AGBL4: variants seen among roughly 807,000 people sequenced by gnomAD.
AGBL4 encodes the protein cytosolic carboxypeptidase 6.
Under a neutral mutation model 66.4 loss-of-function variants are expected in AGBL4, and 58 were observed. The observed-to-expected ratio is 0.87, with a 90% CI of 0.71 to 1.09. The LOEUF (loss-of-function observed/expected upper bound fraction) is 1.09, where lower values mean the gene tolerates loss of function less well. AGBL4 is among the 50% of genes least tolerant of loss of function. The pLI is 0.00. For missense variants in AGBL4, 579 were observed against 631.0 expected, an observed-to-expected ratio of 0.92 and a Z score of 0.88; for synonymous variants, 234 against 222.9, an observed-to-expected ratio of 1.05 and a Z score of -0.44.
intron 1 of AGBL4, among the ~76,000 whole-genome samples, chr1:49,880,192 C>G (rs372576052): frequency 6.6e-6 from 1 of 151,784 alleles, no homozygotes; most frequent in Non-Finnish European, 1.5e-5. Flanking sequence ...AGCTTTGTTC[C>G]GTTGCTGGTG....
At chr1:49,464,867 A>G (rs1482380741) in intron 3 of AGBL4, among the ~76,000 whole-genome samples, 2 of 151,662 alleles carry the variant, frequency 1.3e-5, no homozygotes, top group East Asian at 3.9e-4. Flanking sequence ...AGAAACTATG[A>G]CAAAACTGAT....
intron 4 of AGBL4, among the ~76,000 whole-genome samples, chr1:49,122,415 A>C (rs1165712773): frequency 6.6e-6 from 1 of 152,192 alleles, no homozygotes; most frequent in African/African-American, 2.4e-5. Context: ...TGGCTTCCTA[A>C]ATTTGATGAA....
intron 5 of AGBL4, among the ~76,000 whole-genome samples, chr1:48,924,701 T>C (rs1356263103): frequency 6.6e-6 from 1 of 152,142 alleles, no homozygotes; most frequent in East Asian, 1.9e-4. Context: ...AACTGTAGTA[T>C]AATTCTGCAG....
intron 3 of AGBL4, among the ~76,000 whole-genome samples, chr1:49,627,471 C>T (rs1645486395): frequency 6.6e-6 from 1 of 152,070 alleles, no homozygotes; most frequent in African/African-American, 2.4e-5. Context: ...CTCTTTGTTT[C>T]TAATCTTTCC....
intron 4 of AGBL4, among the ~76,000 whole-genome samples, chr1:49,116,571 T>G (rs1339622934): frequency 2.6e-5 from 4 of 152,242 alleles, no homozygotes; most frequent in Non-Finnish European, 5.9e-5. Context: ...TATGGCTGCA[T>G]AGTATTGCAT....
At chr1:49,698,857 C>T (rs556712641) in intron 2 of AGBL4, among the ~76,000 whole-genome samples, 3 of 152,034 alleles carry the variant, frequency 2.0e-5, no homozygotes, top group East Asian at 1.9e-4. Flanking sequence ...TTTTGATAAA[C>T]AATATCTTAA....
At chr1:49,387,445 A>T (rs1644758180) in intron 3 of AGBL4, among the ~76,000 whole-genome samples, 1 of 148,222 alleles carries the variant, frequency 6.7e-6, no homozygotes, top group Non-Finnish European at 1.5e-5. Flanking sequence ...TAGATGATTT[A>T]AAAAAAAAAC....
At chr1:49,996,916 G>A (rs1660408109) in intron 1 of AGBL4, among the ~76,000 whole-genome samples, 1 of 151,994 alleles carries the variant, frequency 6.6e-6, no homozygotes, top group Admixed American at 6.5e-5. Context: ...TAGCCTCCTT[G>A]GGAAAAAAGC....
intron 3 of AGBL4, among the ~76,000 whole-genome samples, chr1:49,414,623 A>G (rs1645388924): frequency 6.6e-6 from 1 of 152,216 alleles, no homozygotes; most frequent in Non-Finnish European, 1.5e-5. Flanking sequence ...CCATGGAGCT[A>G]CAGGCTTAAG....
At chr1:49,686,267 G>T (rs530174368) in intron 3 of AGBL4, among the ~76,000 whole-genome samples, 1 of 152,236 alleles carries the variant, frequency 6.6e-6, no homozygotes, top group East Asian at 1.9e-4. Flanking sequence ...CCCCACTGAA[G>T]TTCTTTTGCC....
chr1:49,904,831 G>C (rs917291303), intron 1 of AGBL4, among the ~76,000 whole-genome samples: 6 of 152,140 alleles, frequency 3.9e-5, no homozygotes, highest in South Asian at 2.1e-4. Context: ...TTAGGCAGAA[G>C]ACAAGCATGG....
chr1:49,656,272 C>G (rs1317884093), intron 3 of AGBL4, among the ~76,000 whole-genome samples: 1 of 152,124 alleles, frequency 6.6e-6, no homozygotes, highest in Non-Finnish European at 1.5e-5. Flanking sequence ...TGGATAAATT[C>G]CTCGACACAT....
intron 5 of AGBL4, among the ~76,000 whole-genome samples, chr1:48,872,715 G>C (rs1169047868): frequency 6.6e-6 from 1 of 152,172 alleles, no homozygotes; most frequent in African/African-American, 2.4e-5. Context: ...AAGAGTGCTG[G>C]ATTCAAAATC....
At chr1:49,063,748 G>A (rs1339979571) in intron 4 of AGBL4, among the ~76,000 whole-genome samples, 2 of 152,182 alleles carry the variant, frequency 1.3e-5, no homozygotes, top group Admixed American at 6.5e-5. Flanking sequence ...CCCTTCTGAT[G>A]AGGTAACATT....
At chr1:49,114,285 A>T (rs1370992465) in intron 4 of AGBL4, among the ~76,000 whole-genome samples, 2 of 152,180 alleles carry the variant, frequency 1.3e-5, no homozygotes, top group Non-Finnish European at 2.9e-5. Flanking sequence ...TTCTTTCTTT[A>T]AACCATATGA....
intron 1 of AGBL4, among the ~76,000 whole-genome samples, chr1:50,018,345 A>C (rs989783364): frequency 6.6e-6 from 1 of 152,196 alleles, no homozygotes; most frequent in Non-Finnish European, 1.5e-5. Context: ...TAAATGAGGA[A>C]TATAAAAAGC....
chr1:49,610,226 A>G (rs2124224573), intron 3 of AGBL4, among the ~76,000 whole-genome samples: 1 of 152,276 alleles, frequency 6.6e-6, no homozygotes, highest in Admixed American at 6.5e-5. Flanking sequence ...CAAAGACATA[A>G]TCTTATTTAA....
At chr1:49,314,520 T>C (rs1645002848) in intron 3 of AGBL4, among the ~76,000 whole-genome samples, 1 of 152,106 alleles carries the variant, frequency 6.6e-6, no homozygotes, top group East Asian at 1.9e-4. Flanking sequence ...CTGAGAATGA[T>C]GGTTTCCAGC....
At chr1:48,978,931 A>G (rs903043720) in intron 5 of AGBL4, among the ~76,000 whole-genome samples, 1 of 152,176 alleles carries the variant, frequency 6.6e-6, no homozygotes, top group Admixed American at 6.6e-5. Context: ...TGCACTCAAG[A>G]TAAAGGTAAA....
Sources: gnomAD v4.1 joint callset for allele counts (sites outside exome capture counted in the v4.1 genomes callset) on GRCh38, gnomAD v4.1.1 for gene constraint, MANE v1.5 for transcripts, NCBI Gene and HGNC (gene_info 2026-07-23, HGNC 2026-07-21) for gene names.